The following DGLUCY variants were observed in gnomAD, a reference collection of about 807,000 sequenced individuals.
The protein encoded by DGLUCY is D-glutamate cyclase.
A neutral mutation model predicts 58.5 loss-of-function variants in DGLUCY; 58 were observed. That is an observed-to-expected ratio of 0.99 (90% CI 0.80 to 1.23). The LOEUF (loss-of-function observed/expected upper bound fraction) is 1.23, where lower values mean the gene tolerates loss of function less well. Ranked by LOEUF, DGLUCY falls within the 50% of genes most tolerant of loss-of-function variation. DGLUCY has a pLI of 0.00. For synonymous variants in DGLUCY, 325 were observed against 314.1 expected (o/e 1.03, Z -0.37); for missense variants, 779 against 784.7 (o/e 0.99, Z 0.09).
chr14:91,181,415 A>G lies in DGLUCY; in HGVS notation c.934+26A>G, dbSNP rs764751342. ...GTAAGAAACAACACATTTGCTCGGCATAGACCCAGGTAAGAAACAACACAT... is the reference window on the plus strand; with the variant it reads ...GTAAGAAACAACACATTTGCTCGGCGTAGACCCAGGTAAGAAACAACACAT... On this transcript the variant is annotated intron_variant, in intron 8 of 13. Transcript: ENST00000256324. 31 of 1,598,414 alleles carry G rather than the reference A, an allele frequency of 1.9e-5. No individual in the cohort carries two copies. The Middle Eastern group carries it at 5.1e-4, about 27-fold the overall frequency.
chr14:91,061,667 T>C (rs1167091295), intron 1 of DGLUCY, among the ~76,000 whole-genome samples: 2 of 152,188 alleles, frequency 1.3e-5, no homozygotes. Flanking sequence ...AGAGAGTAAC[T>C]GTGAGCATTG....
At chr14:91,168,126 T>C (rs1182271618) in intron 4 of DGLUCY, among the ~76,000 whole-genome samples, 3 of 151,850 alleles carry the variant, frequency 2.0e-5, no homozygotes, top group Admixed American at 1.3e-4. Context: ...AAAAATTAAC[T>C]GGGCATAGCG....
At chr14:91,170,273 G>T in intron 5 of DGLUCY, 72 bp downstream of exon 5, 1 of 1,516,964 alleles carries the variant, frequency 6.6e-7, no homozygotes, top group Non-Finnish European at 8.9e-7. Context: ...TATTCCTGGG[G>T]TGGGGAGAAC....
chr14:91,213,248 A>T (rs2140712572), intron 12 of DGLUCY, among the ~76,000 whole-genome samples: 1 of 152,192 alleles, frequency 6.6e-6, no homozygotes, highest in East Asian at 1.9e-4. Flanking sequence ...CAGCCTGGCC[A>T]ACGCAGTAAA....
intron 1 of DGLUCY, among the ~76,000 whole-genome samples, chr14:91,090,511 C>T (rs777844372): frequency 6.6e-6 from 1 of 152,058 alleles, no homozygotes; most frequent in Non-Finnish European, 1.5e-5. Flanking sequence ...ACAGGGAGTT[C>T]CTGAGGGTTG....
intron 12 of DGLUCY, among the ~76,000 whole-genome samples, chr14:91,207,838 C>T (rs1885017262): frequency 6.6e-6 from 1 of 152,094 alleles, no homozygotes; most frequent in Non-Finnish European, 1.5e-5. Context: ...CCTCCTCCTC[C>T]CAAGTTCAAG....
chr14:91,178,403 A>G (rs1410492763), intron 7 of DGLUCY, among the ~76,000 whole-genome samples: 10 of 152,078 alleles, frequency 6.6e-5, no homozygotes, highest in Non-Finnish European at 1.5e-4. Flanking sequence ...GGCTCAAGCG[A>G]TCCTCCCACC....
At position 91,129,086 on chromosome 14, in the gene DGLUCY, C is replaced by T. The variant is rs540147860; in HGVS notation, c.-82+14803C>T. Reference sequence around the variant, plus strand: ...CAATCCGCCTAGCCTCTGCTTTGAGCGTCAGGGGACCCAGTTCTATTCCTG... The same window carrying T: ...CAATCCGCCTAGCCTCTGCTTTGAGTGTCAGGGGACCCAGTTCTATTCCTG... On this transcript the variant is annotated intron_variant, in intron 1 of 13. Transcript: ENST00000256324. 7.2e-5 allele frequency among the ~76,000 whole-genome samples: 11 copies of T among 152,296 alleles called. No homozygotes were observed. In the South Asian group the frequency reaches 2.3e-3, roughly 32 times the overall value.
intron 4 of DGLUCY, 40 bp from the exon 5 acceptor site, chr14:91,169,961 TGA>T (rs2048482823): frequency 3.8e-6 from 6 of 1,567,294 alleles, no homozygotes; most frequent in African/African-American, 1.4e-5. Context: ...GGGGCCACAG[TGA>T]GAGTCTGGGG....
In DGLUCY at chr14:91,074,306, A is replaced by AT. The variant is rs1363113689; in HGVS notation, c.-82+13602_-82+13603insT. Among the ~76,000 whole-genome samples, 296 of 143,300 alleles carry AT rather than the reference A, an allele frequency of 2.1e-3. 1 individual carries two copies. Among genetic ancestry groups the AT allele is most frequent in the African/African-American group, 7.3e-3 (282 of 38,466 alleles). 94.0% of individuals were successfully genotyped at this position (143,300 alleles called of 152,430 possible). A position where few individuals can be genotyped will look rare whatever the true frequency, so the allele number is the denominator to read the frequency against. ...CGATACCCTGTCTCAAAAAAAAAAAAAAAAAAATATATATATATATATATA... is the reference window on the plus strand; with the variant it reads ...CGATACCCTGTCTCAAAAAAAAAAAATAAAAAAATATATATATATATATATA... On this transcript the variant is annotated intron_variant, in intron 1 of 4. Transcript: ENST00000521334.
chr14:91,097,472 A>G (rs10438207), intron 1 of DGLUCY, among the ~76,000 whole-genome samples: 32,142 of 152,166 alleles, frequency 0.21, 3,565 homozygotes, highest in Middle Eastern at 0.24. Context: ...TGAATATGCA[A>G]AAAATTATTG....
intron 1 of DGLUCY, among the ~76,000 whole-genome samples, chr14:91,115,830 T>C (rs973536040): frequency 5.3e-5 from 8 of 152,160 alleles, no homozygotes; most frequent in African/African-American, 1.9e-4. Context: ...ATTTGGAAAA[T>C]TTCACGCGTT....
upstream of DGLUCY, among the ~76,000 whole-genome samples, chr14:91,113,062 G>A (rs2044737534): frequency 1.3e-5 from 2 of 151,442 alleles, no homozygotes; most frequent in Admixed American, 6.6e-5. Flanking sequence ...AGCACTTTGG[G>A]AGGCTGAGGC....
intron 1 of DGLUCY, among the ~76,000 whole-genome samples, chr14:91,129,782 GA>G (rs1684853181): frequency 2.0e-5 from 3 of 152,212 alleles, no homozygotes; most frequent in African/African-American, 7.2e-5. Context: ...TAGTAGCTGG[GA>G]TTACAGACAT....
intron 1 of DGLUCY, among the ~76,000 whole-genome samples, chr14:91,137,955 A>G (rs1423553705): frequency 6.6e-6 from 1 of 152,062 alleles, no homozygotes; most frequent in Non-Finnish European, 1.5e-5. Context: ...CAAAGCACCA[A>G]ACTTTGGGAT....
chr14:91,181,218 T>C lies in DGLUCY; in HGVS notation c.763T>C (p.Cys255Arg). The change falls in exon 8 of 14, where the codon TGC becomes CGC. Residue 255 changes from cysteine (C) to arginine (R), a missense_variant. Cys to Arg is a radical substitution (Grantham distance 180, BLOSUM62 -3). Coordinates refer to ENST00000256324, the MANE Select transcript of DGLUCY (RefSeq NM_001102368.3). ...ACTGGCTTTTGCCAGCATCCCAGGC[T>C]GCACAGTTATGACTGACCTGAAGGA... ...TPLAFASIPG[C>R]TVMTDLKDAK... 6.2e-7 allele frequency: 1 copy of C among 1,614,196 alleles called. No homozygotes were observed. The highest frequency in any genetic ancestry group is 8.5e-7 in the Non-Finnish European group (1 of 1,180,040).
chr14:91,175,538 C>T (rs1184688932), intron 6 of DGLUCY, among the ~76,000 whole-genome samples: 2 of 152,088 alleles, frequency 1.3e-5, no homozygotes, highest in Admixed American at 6.6e-5. Flanking sequence ...TTGCTGTCTT[C>T]GGGATTAGGT....
intron 1 of DGLUCY, among the ~76,000 whole-genome samples, chr14:91,097,389 C>T (rs2044412748): frequency 6.6e-6 from 1 of 151,942 alleles, no homozygotes; most frequent in South Asian, 2.1e-4. Flanking sequence ...GAGCGAGACA[C>T]TGTCTCAAAA....
At chr14:91,210,811 A>G (rs907719789) in intron 12 of DGLUCY, among the ~76,000 whole-genome samples, 2 of 152,236 alleles carry the variant, frequency 1.3e-5, no homozygotes, top group African/African-American at 4.8e-5. Context: ...GAAAAAGGCA[A>G]TGATGTTCCC....
Sources: allele counts gnomAD v4.1 joint callset (sites outside exome capture counted in the v4.1 genomes callset), GRCh38; gene constraint gnomAD v4.1.1; transcripts MANE v1.5; gene names NCBI Gene and HGNC (gene_info 2026-07-23, HGNC 2026-07-21).